Variants in NTM observed in about 807,000 individuals in gnomAD.
The protein encoded by NTM is neurotrimin.
NTM carries 13 observed loss-of-function variants against 42.1 expected under a neutral mutation model. The ratio of observed to expected loss-of-function variants is 0.31; its 90% CI spans 0.20 to 0.49. NTM has a LOEUF of 0.49. Among genes scored for constraint, NTM ranks in the 20% least tolerant of loss-of-function variants. NTM has a pLI of 0.99. For synonymous variants in NTM, 187 were observed against 179.2 expected (o/e 1.04, Z -0.35); for missense variants, 373 against 452.8 (o/e 0.82, Z 1.60).
chr11:132,131,583 G>A (rs2066833884), intron 2 of NTM, among the ~76,000 whole-genome samples: 2 of 152,114 alleles, frequency 1.3e-5, no homozygotes, highest in Non-Finnish European at 2.9e-5. Context: ...TGTAGACAGA[G>A]GGGCAGTGTG....
chr11:131,840,836 A>G (rs905773041), intron 1 of NTM, among the ~76,000 whole-genome samples: 2 of 152,088 alleles, frequency 1.3e-5, no homozygotes, highest in African/African-American at 4.8e-5. Context: ...GAACAGTTTT[A>G]TTTTTCTCAG....
In NTM at chr11:132,335,181, C is replaced by T. The variant is rs375208588; in HGVS notation, c.*35C>T. 96 of 1,607,824 alleles carry T rather than the reference C, an allele frequency of 6.0e-5. No homozygotes were observed. Among genetic ancestry groups the T allele is most frequent in the Non-Finnish European group, 5.6e-5 (66 of 1,178,826 alleles). On this transcript the variant is annotated 3_prime_UTR_variant, in exon 9 of 9. Transcript: ENST00000683400. ...CACTTCCCCACCCGGGAAAGGCTGCCGCCACCACCACCACCAACACAACAG... is the reference window on the plus strand; with the variant it reads ...CACTTCCCCACCCGGGAAAGGCTGCTGCCACCACCACCACCAACACAACAG...
chr11:131,737,376 G>A (rs1382880942), intron 1 of NTM, among the ~76,000 whole-genome samples: 1 of 152,208 alleles, frequency 6.6e-6, no homozygotes, highest in Non-Finnish European at 1.5e-5. Context: ...AAGCAGCAGA[G>A]ATCAAGAAGA....
chr11:132,259,987 C>T (rs1187831860), intron 4 of NTM, among the ~76,000 whole-genome samples: 2 of 152,046 alleles, frequency 1.3e-5, no homozygotes, highest in Non-Finnish European at 1.5e-5. Context: ...GCAACTAGGA[C>T]AGTTTTGAGT....
At chr11:131,886,359 A>G (rs562997578) in intron 1 of NTM, among the ~76,000 whole-genome samples, 9 of 152,242 alleles carry the variant, frequency 5.9e-5, no homozygotes, top group African/African-American at 2.2e-4. Context: ...ATCCTCCTCA[A>G]TGAAATTCTC....
intron 1 of NTM, chr11:131,796,096 C>CG (rs1565562732): frequency 1.0e-6 from 1 of 985,314 alleles, no homozygotes. Flanking sequence ...GTTATTTTCC[C>CG]GGGGGAAATC....
chr11:131,574,123 G>C (rs1196768163), intron 1 of NTM, among the ~76,000 whole-genome samples: 1 of 152,188 alleles, frequency 6.6e-6, no homozygotes, highest in Non-Finnish European at 1.5e-5. Context: ...AGGGTTGATG[G>C]ACAGCAGCTC....
At chr11:131,913,473 C>T (rs2055661347) in intron 2 of NTM, among the ~76,000 whole-genome samples, 1 of 152,226 alleles carries the variant, frequency 6.6e-6, no homozygotes, top group Admixed American at 6.5e-5. Flanking sequence ...AAAGTCAGGA[C>T]TGTCCAGAGG....
chr11:131,796,093 T>TC, intron 1 of NTM: 1 of 985,372 alleles, frequency 1.0e-6, no homozygotes, highest in Non-Finnish European at 1.2e-6. Flanking sequence ...CTAGTTATTT[T>TC]CCCGGGGGAA....
At chr11:131,962,381 G>C (rs1024566837) in intron 2 of NTM, among the ~76,000 whole-genome samples, 9 of 152,206 alleles carry the variant, frequency 5.9e-5, no homozygotes, top group African/African-American at 2.2e-4. Flanking sequence ...CCCTCAATGG[G>C]ATAGTTTTGG....
At chr11:131,891,394 G>A (rs1018341630) in intron 1 of NTM, among the ~76,000 whole-genome samples, 1 of 152,310 alleles carries the variant, frequency 6.6e-6, no homozygotes, top group East Asian at 1.9e-4. Flanking sequence ...TTGACCACAA[G>A]TTGGGGAAAG....
chr11:131,406,931 C>T (rs1196435364), intron 1 of NTM, among the ~76,000 whole-genome samples: 3 of 152,194 alleles, frequency 2.0e-5, no homozygotes, highest in Non-Finnish European at 4.4e-5. Flanking sequence ...CAGGTAAAGG[C>T]ACTTTCCTCA....
chr11:131,616,500 G>T (rs1034929568), intron 1 of NTM, among the ~76,000 whole-genome samples: 2 of 152,146 alleles, frequency 1.3e-5, no homozygotes, highest in African/African-American at 4.8e-5. Context: ...ATGGGCCCAG[G>T]GAAATCTGTC....
intron 2 of NTM, among the ~76,000 whole-genome samples, chr11:132,035,964 G>A (rs1029239265): frequency 6.6e-6 from 1 of 152,146 alleles, no homozygotes; most frequent in African/African-American, 2.4e-5. Flanking sequence ...CTGTAGATGG[G>A]AGATAGAGCT....
At chr11:131,759,949 C>T (rs934339641) in intron 1 of NTM, among the ~76,000 whole-genome samples, 3 of 151,924 alleles carry the variant, frequency 2.0e-5, no homozygotes, top group Non-Finnish European at 4.4e-5. Context: ...AATAACTTTC[C>T]TAACATGAAC....
At chr11:131,564,935 A>G (rs758404839) in intron 1 of NTM, among the ~76,000 whole-genome samples, 3 of 152,262 alleles carry the variant, frequency 2.0e-5, no homozygotes, top group Middle Eastern at 3.4e-3. Flanking sequence ...CCATGTGTGC[A>G]CTGCCCAGGC....
rs3040141 is a variant in NTM at position 131,592,524 on chromosome 11, C to CA, written c.82+221653dup. On this transcript the variant is annotated intron_variant, in intron 1 of 8. Transcript: ENST00000683400. ...AAAGCTTGGCATATAATAGGTCTTT[C>CA]AAAAAAAAAAAAAAAAAGCTAGTTT... Among the ~76,000 whole-genome samples, 483 of 129,924 alleles carry CA rather than the reference C, an allele frequency of 3.7e-3. 2 individuals are homozygous for CA. The highest frequency in any genetic ancestry group is 9.7e-3 in the African/African-American group (336 of 34,556). 85.2% of individuals were successfully genotyped at this position (129,924 alleles called of 152,430 possible).
chr11:131,550,649 C>A (rs1258562288), intron 1 of NTM, among the ~76,000 whole-genome samples: 1 of 152,126 alleles, frequency 6.6e-6, no homozygotes, highest in Non-Finnish European at 1.5e-5. Flanking sequence ...GCCAATTAAC[C>A]CTTTTTTTCT....
Position 131,449,604 on chromosome 11 carries a change from C to T in NTM, c.82+78716C>T, listed in dbSNP as rs571826685. On this transcript the variant is annotated intron_variant, in intron 1 of 8. Transcript: ENST00000683400. ...TCCAGCACCGGCCAGATCTGTGCTGCGTTCATCTCTCTCATCAAACCCTCT... is the reference window on the plus strand; with the variant it reads ...TCCAGCACCGGCCAGATCTGTGCTGTGTTCATCTCTCTCATCAAACCCTCT... 3.3e-5 allele frequency among the ~76,000 whole-genome samples: 5 copies of T among 152,308 alleles called. No homozygotes were observed. The South Asian group carries it at 8.3e-4, about 25-fold the overall frequency.
Sources: allele counts gnomAD v4.1 joint callset (sites outside exome capture counted in the v4.1 genomes callset), GRCh38; gene constraint gnomAD v4.1.1; transcripts MANE v1.5; gene names NCBI Gene and HGNC (gene_info 2026-07-23, HGNC 2026-07-21).